The following BMP6 variants were observed in gnomAD, a reference collection of about 807,000 sequenced individuals.
BMP6 encodes VG-1-R.
In BMP6, 17 loss-of-function variants were observed where a neutral mutation model predicts 54.1. The ratio of observed to expected loss-of-function variants is 0.31; its 90% CI spans 0.22 to 0.47. BMP6 has a LOEUF of 0.47. Ranked by LOEUF, BMP6 falls within the 20% of genes least tolerant of loss-of-function variation. The pLI, the probability that BMP6 is intolerant of heterozygous loss-of-function variation, is 1.00. For synonymous variants in BMP6, 328 were observed against 291.2 expected (o/e 1.13, Z -1.28); for missense variants, 720 against 690.4 (o/e 1.04, Z -0.48).
At chr6:7,837,754 T>G (rs1345000798) in intron 1 of BMP6, among the ~76,000 whole-genome samples, 1 of 152,142 alleles carries the variant, frequency 6.6e-6, no homozygotes, top group African/African-American at 2.4e-5. Flanking sequence ...CTTACCCATA[T>G]AACCAAACAC....
At chr6:7,755,264 C>G (rs1757496955) in intron 1 of BMP6, among the ~76,000 whole-genome samples, 1 of 152,028 alleles carries the variant, frequency 6.6e-6, no homozygotes, top group Non-Finnish European at 1.5e-5. Flanking sequence ...TCCCTTCCCC[C>G]CTTTTTCTGC....
At chr6:7,744,290 C>G (rs1262781002) in intron 1 of BMP6, among the ~76,000 whole-genome samples, 1 of 152,086 alleles carries the variant, frequency 6.6e-6, no homozygotes, top group Non-Finnish European at 1.5e-5. Flanking sequence ...ACTTTGGTCT[C>G]AAACATGAAG....
chr6:7,736,796 A>G (rs562195689), intron 1 of BMP6, among the ~76,000 whole-genome samples: 13 of 152,298 alleles, frequency 8.5e-5, no homozygotes, highest in African/African-American at 2.9e-4. Context: ...TCTTCACGTC[A>G]GTTACTCATT....
Position 7,726,370 on chromosome 6 carries a change from G to A in BMP6, c.-586G>A, listed in dbSNP as rs961981601. On this transcript the variant is annotated 5_prime_UTR_variant, in exon 1 of 7. Coordinates refer to ENST00000283147, the MANE Select transcript of BMP6 (RefSeq NM_001718.6). ...CGCGGAGTTCGTGAGCGAGAAGGAA[G>A]TTAAACCTCGCGGAATAGACTGGCA... 2.0e-5 allele frequency among the ~76,000 whole-genome samples: 3 copies of A among 152,210 alleles called. No homozygotes were observed. Among genetic ancestry groups the A allele is most frequent in the Non-Finnish European group, 4.4e-5 (3 of 68,030 alleles).
chr6:7,867,284 T>C (rs1424447840), intron 4 of BMP6, among the ~76,000 whole-genome samples: 1 of 152,198 alleles, frequency 6.6e-6, no homozygotes. Context: ...CTCCTGACCT[T>C]CTTCTTGATA....
intron 1 of BMP6, among the ~76,000 whole-genome samples, chr6:7,737,647 CTCT>C (rs1273553347): frequency 1.4e-5 from 2 of 147,338 alleles, no homozygotes; most frequent in East Asian, 4.0e-4. Flanking sequence ...TTTTTTTTTT[CTCT>C]TCTTTTCCTC....
At chr6:7,781,413 T>G (rs1757944255) in intron 1 of BMP6, among the ~76,000 whole-genome samples, 1 of 143,580 alleles carries the variant, frequency 7.0e-6, no homozygotes, top group African/African-American at 2.5e-5. Context: ...GCTCGTCTAT[T>G]TTTGCTGTGT....
At chr6:7,848,215 T>C (rs1484116660) in intron 2 of BMP6, among the ~76,000 whole-genome samples, 1 of 152,180 alleles carries the variant, frequency 6.6e-6, no homozygotes, top group African/African-American at 2.4e-5. Context: ...TGCTAAAGAA[T>C]AGGCATAAAC....
chr6:7,858,127 G>A (rs1280641574), intron 2 of BMP6, among the ~76,000 whole-genome samples: 1 of 152,150 alleles, frequency 6.6e-6, no homozygotes, highest in Non-Finnish European at 1.5e-5. Flanking sequence ...CTGTCGTCCA[G>A]GCTGGAGTGC....
At chr6:7,852,584 T>A (rs1303554511) in intron 2 of BMP6, among the ~76,000 whole-genome samples, 1 of 152,060 alleles carries the variant, frequency 6.6e-6, no homozygotes, top group Non-Finnish European at 1.5e-5. Flanking sequence ...CTCAAAAAAT[T>A]TTTTTTAATT....
At chr6:7,767,073 A>G (rs1221572859) in intron 1 of BMP6, among the ~76,000 whole-genome samples, 1 of 141,118 alleles carries the variant, frequency 7.1e-6, no homozygotes, top group Non-Finnish European at 1.6e-5. Flanking sequence ...TGCAAGCTCC[A>G]CCTCCCGGGT....
At chr6:7,831,416 G>A (rs779154033) in intron 1 of BMP6, among the ~76,000 whole-genome samples, 24 of 152,150 alleles carry the variant, frequency 1.6e-4, no homozygotes, top group Non-Finnish European at 3.1e-4. Flanking sequence ...AAACGCCACT[G>A]AATTGTCCAC....
chr6:7,844,567 C>T (rs1281926088), intron 1 of BMP6, among the ~76,000 whole-genome samples: 2 of 152,094 alleles, frequency 1.3e-5, no homozygotes, highest in African/African-American at 4.8e-5. Flanking sequence ...ATGTGAAGAC[C>T]CTTTACACTT....
chr6:7,750,391 A>G (rs1033594772), intron 1 of BMP6, among the ~76,000 whole-genome samples: 11 of 152,224 alleles, frequency 7.2e-5, no homozygotes, highest in African/African-American at 2.2e-4. Flanking sequence ...GGAAACGATA[A>G]GGGCAGGATG....
intron 1 of BMP6, among the ~76,000 whole-genome samples, chr6:7,742,237 A>ATT (rs944161905): frequency 1.3e-5 from 2 of 152,164 alleles, no homozygotes; most frequent in Non-Finnish European, 2.9e-5. Context: ...AAGAAATATT[A>ATT]TTTTCCTTCT....
At chr6:7,816,575 AT>A (rs1758530300) in intron 1 of BMP6, among the ~76,000 whole-genome samples, 1 of 152,178 alleles carries the variant, frequency 6.6e-6, no homozygotes, top group South Asian at 2.1e-4. Context: ...ATTTGAGAGA[AT>A]CCCTTCTGGT....
rs1197087242 is a variant in BMP6, at chr6:7,803,496, G to A, written c.665-41644G>A. On this transcript the variant is annotated intron_variant, in intron 1 of 6. Transcript: ENST00000283147. Reference sequence around the variant, plus strand: ...TTAATCTTTCATTTCTTCCCATCCTGCACCTTAAGCTCTAACCTAATGGCA... The same window carrying A: ...TTAATCTTTCATTTCTTCCCATCCTACACCTTAAGCTCTAACCTAATGGCA... Among the ~76,000 whole-genome samples the A allele has an allele frequency of 2.0e-5, 3 of 152,024 alleles. No individual in the cohort carries two copies. In the East Asian group the frequency reaches 5.8e-4, roughly 29 times the overall value.
chr6:7,848,681 G>A (rs1310341811), intron 2 of BMP6, among the ~76,000 whole-genome samples: 5 of 152,216 alleles, frequency 3.3e-5, no homozygotes, highest in African/African-American at 1.2e-4. Flanking sequence ...TTTCTGGGCA[G>A]TGGGCAAGAA....
At chr6:7,774,186 C>G (rs1356391785) in intron 1 of BMP6, among the ~76,000 whole-genome samples, 1 of 152,150 alleles carries the variant, frequency 6.6e-6, no homozygotes, top group African/African-American at 2.4e-5. Context: ...TTGGGTGGCT[C>G]CCTCAGCCTG....
Sources: allele counts gnomAD v4.1 joint callset (sites outside exome capture counted in the v4.1 genomes callset), GRCh38; gene constraint gnomAD v4.1.1; transcripts MANE v1.5; gene names NCBI Gene and HGNC (gene_info 2026-07-23, HGNC 2026-07-21).